Variants in LGMN observed in about 807,000 individuals in gnomAD.
LGMN encodes the protein asparaginyl endopeptidase.
In LGMN, 36 loss-of-function variants were observed where a neutral mutation model predicts 56.8. The observed-to-expected ratio is 0.63, with a 90% CI of 0.49 to 0.84. The LOEUF is 0.84. LGMN is among the 40% of genes least tolerant of loss of function. LGMN has a pLI of 0.00. For synonymous variants in LGMN, 199 were observed against 210.1 expected (o/e 0.95, Z 0.46); for missense variants, 446 against 556.1 (o/e 0.80, Z 1.99).
At chr14:92,740,772 G>C (rs1051852325) in intron 1 of LGMN, among the ~76,000 whole-genome samples, 1 of 152,188 alleles carries the variant, frequency 6.6e-6, no homozygotes, top group African/African-American at 2.4e-5. Context: ...CAAAGTCAAA[G>C]TCAATGAACA....
intron 2 of LGMN, among the ~76,000 whole-genome samples, chr14:92,726,194 G>A (rs144503212): frequency 0.023 from 3,414 of 150,772 alleles, 137 homozygotes; most frequent in African/African-American, 0.079. Flanking sequence ...CTGAGATCAC[G>A]CCATTGCACT....
intron 2 of LGMN, among the ~76,000 whole-genome samples, chr14:92,730,085 C>A (rs775835731): frequency 6.6e-5 from 10 of 152,136 alleles, no homozygotes; most frequent in Non-Finnish European, 1.2e-4. Context: ...GTATAAAAAT[C>A]ACGGTGGTTG....
chr14:92,727,794 T>C (rs1263142743), intron 2 of LGMN, among the ~76,000 whole-genome samples: 1 of 152,092 alleles, frequency 6.6e-6, no homozygotes. Context: ...CAGCCTCGAG[T>C]TCAGGTATTT....
chr14:92,748,198 C>G (rs372947255), intron 1 of LGMN, among the ~76,000 whole-genome samples: 6 of 152,148 alleles, frequency 3.9e-5, no homozygotes, highest in Admixed American at 2.0e-4. Flanking sequence ...CGTCTCCTCC[C>G]GCGCCTCAGT....
chr14:92,746,021 C>T (rs1478661969), intron 1 of LGMN, among the ~76,000 whole-genome samples: 2 of 152,112 alleles, frequency 1.3e-5, no homozygotes, highest in East Asian at 1.9e-4. Flanking sequence ...CGGGGTTTCA[C>T]CATGTTGGCC....
At chr14:92,726,667 C>T (rs755481492) in intron 2 of LGMN, among the ~76,000 whole-genome samples, 5 of 152,160 alleles carry the variant, frequency 3.3e-5, no homozygotes, top group South Asian at 4.1e-4. Flanking sequence ...CCTCCTAACA[C>T]GCCTCACCAT....
intron 2 of LGMN, among the ~76,000 whole-genome samples, chr14:92,731,999 G>A (rs117135890): frequency 0.015 from 2,258 of 152,214 alleles, 36 homozygotes; most frequent in Non-Finnish European, 0.021. Flanking sequence ...GGAAATCCAG[G>A]AAAGATGGGG....
chr14:92,719,230 G>GCCA (rs1372121081), intron 2 of LGMN, among the ~76,000 whole-genome samples: 6 of 22,906 alleles, frequency 2.6e-4, no homozygotes, highest in African/African-American at 1.2e-3. Context: ...CACCACCACC[G>GCCA]CCACCGCCAC....
At chr14:92,730,306 G>A (rs1335332719) in intron 2 of LGMN, among the ~76,000 whole-genome samples, 2 of 152,000 alleles carry the variant, frequency 1.3e-5, no homozygotes, top group Non-Finnish European at 2.9e-5. Flanking sequence ...TTTCCTATTC[G>A]GCTAACATAC....
chr14:92,743,217 T>C (rs560910163), intron 1 of LGMN, among the ~76,000 whole-genome samples: 104 of 151,780 alleles, frequency 6.9e-4, no homozygotes, highest in Middle Eastern at 3.4e-3. Context: ...TAAAACAAAA[T>C]CCAGGGCCGG....
intron 1 of LGMN, among the ~76,000 whole-genome samples, chr14:92,745,043 AT>A (rs1566939717): frequency 3.9e-5 from 6 of 152,140 alleles, no homozygotes; most frequent in Non-Finnish European, 8.8e-5. Context: ...CCTGCCTGTA[AT>A]CCCAGTACTC....
intron 2 of LGMN, among the ~76,000 whole-genome samples, chr14:92,731,485 C>G (rs1297691896): frequency 6.6e-6 from 1 of 152,214 alleles, no homozygotes; most frequent in East Asian, 1.9e-4. Context: ...CAGCCCTTGG[C>G]AACTACTAAC....
intron 1 of LGMN, among the ~76,000 whole-genome samples, chr14:92,742,156 A>G (rs1419105568): frequency 6.7e-6 from 1 of 149,448 alleles, no homozygotes; most frequent in African/African-American, 2.5e-5. Context: ...AATTCCACTA[A>G]CCCCCCCTCA....
intron 10 of LGMN, among the ~76,000 whole-genome samples, chr14:92,710,711 T>A (rs1032972422): frequency 4.6e-5 from 7 of 152,170 alleles, no homozygotes; most frequent in East Asian, 1.9e-4. Flanking sequence ...ATGAGGACAC[T>A]GTGAAGAGAA....
chr14:92,732,082 C>A (rs1040661725), intron 2 of LGMN, among the ~76,000 whole-genome samples: 12 of 152,170 alleles, frequency 7.9e-5, no homozygotes, highest in African/African-American at 2.9e-4. Context: ...TGGCCTCAGT[C>A]CTGTCTGGTC....
At chr14:92,741,684 T>C (rs939576147) in intron 1 of LGMN, 2 of 152,236 alleles carry the variant, frequency 1.3e-5, no homozygotes, top group African/African-American at 4.8e-5. Context: ...ACCCCGTCTC[T>C]ACTAAAAATA....
At chr14:92,734,842 A>G (rs553692790) in intron 1 of LGMN, among the ~76,000 whole-genome samples, 3 of 152,236 alleles carry the variant, frequency 2.0e-5, no homozygotes, top group Admixed American at 6.5e-5. Flanking sequence ...TTCTGTCCCA[A>G]TGCCACAAGC....
At chr14:92,743,020 G>C (rs1398750166) in intron 1 of LGMN, 4 of 138,340 alleles carry the variant, frequency 2.9e-5, no homozygotes, top group Non-Finnish European at 3.1e-5. Flanking sequence ...TCTGTCCTCT[G>C]TCTCAAAAAA....
chr14:92,709,922 G>A (rs1483100780), intron 10 of LGMN, 50 bp from the exon 11 acceptor site: 20 of 1,465,810 alleles, frequency 1.4e-5, no homozygotes, highest in Non-Finnish European at 1.7e-5. Flanking sequence ...GAGAGAGAGT[G>A]AGAGAAGGCC....
Sources: gnomAD v4.1 joint callset for allele counts (sites outside exome capture counted in the v4.1 genomes callset) on GRCh38, gnomAD v4.1.1 for gene constraint, MANE v1.5 for transcripts, NCBI Gene and HGNC (gene_info 2026-07-23, HGNC 2026-07-21) for gene names.